TMEM132E: variants seen among roughly 807,000 people sequenced by gnomAD.
TMEM132E encodes transmembrane protein 132E.
TMEM132E carries 49 observed loss-of-function variants against 78.5 expected under a neutral mutation model. The observed-to-expected ratio is 0.62, with a 90% CI of 0.50 to 0.79. TMEM132E has a LOEUF of 0.79. Ranked by LOEUF, TMEM132E falls within the 30% of genes least tolerant of loss-of-function variation. The pLI, the probability that TMEM132E is intolerant of heterozygous loss-of-function variation, is 0.00. For synonymous variants in TMEM132E, 715 were observed against 670.6 expected, an observed-to-expected ratio of 1.07 and a Z score of -1.02; for missense variants, 1,403 against 1,470.9, an observed-to-expected ratio of 0.95 and a Z score of 0.75.
At position 34,580,978 on chromosome 17, in the gene TMEM132E, C is replaced by A. The variant is rs1468636847; in HGVS notation, c.-99C>A. On this transcript the variant is annotated 5_prime_UTR_variant, in exon 1 of 9. Transcript: ENST00000631683. ...CGGAGCTGCATCTGAGACAGCCGGG[C>A]GCCACGGCAGCCCTGAGTTGGATGT... The A allele has an allele frequency of 4.2e-6, 4 of 947,310 alleles. No individual in the cohort carries two copies. The highest frequency in any genetic ancestry group is 6.0e-6 in the Non-Finnish European group (4 of 661,984). The allele number at this position is 947,310 out of a possible 1,614,324, so 58.7% of individuals were successfully genotyped here. A position where few individuals can be genotyped will look rare whatever the true frequency, so the allele number is the denominator to read the frequency against.
At chr17:34,619,479 CTCAT>C (rs112467337) in intron 1 of TMEM132E, among the ~76,000 whole-genome samples, 4 of 149,836 alleles carry the variant, frequency 2.7e-5, no homozygotes, top group Admixed American at 6.7e-5. Context: ...CATGCCCCCT[CTCAT>C]TCATTCATTC....
chr17:34,628,290 C>T (rs777573194), intron 2 of TMEM132E, among the ~76,000 whole-genome samples: 4 of 152,152 alleles, frequency 2.6e-5, no homozygotes, highest in Non-Finnish European at 4.4e-5. Flanking sequence ...AGTGAGTCCC[C>T]TGTCACTAAG....
At chr17:34,597,456 CTATT>C (rs1906098931) in intron 1 of TMEM132E, among the ~76,000 whole-genome samples, 2 of 152,224 alleles carry the variant, frequency 1.3e-5, no homozygotes, top group Non-Finnish European at 2.9e-5. Flanking sequence ...ATTCAGTCAA[CTATT>C]CATTCATTCA....
At chr17:34,635,281 C>G (rs907854426) in intron 7 of TMEM132E, among the ~76,000 whole-genome samples, 194 bp downstream of exon 7, 31 of 152,280 alleles carry the variant, frequency 2.0e-4, no homozygotes, top group African/African-American at 7.5e-4. Flanking sequence ...GTTGTATCAA[C>G]CTTTATCAAT....
chr17:34,581,099 G>A lies in TMEM132E; in HGVS notation c.23G>A (p.Arg8His). ...GCCATGGCCCCGGGGATGTCGGGCC[G>A]CGGCGGCGCCGCCCTGCTCTGCCTC... MAPGMSG[R>H]GGAALLCLSA... Residue 8 changes from arginine (R) to histidine (H), a missense_variant, in exon 1 of 9, where the codon CGC becomes CAC. Physicochemically the swap from Arg to His is conservative, Grantham distance 29 (BLOSUM62 0). Around this residue, in one of 3 missense-constraint regions of TMEM132E, gnomAD observed 511 missense variants for 499.0 expected, o/e 1.02. Transcript: ENST00000631683. 6.5e-7 allele frequency: 1 copy of A among 1,543,990 alleles called. No homozygotes were observed. The highest frequency in any genetic ancestry group is 8.7e-7 in the Non-Finnish European group (1 of 1,151,624).
At chr17:34,592,439 A>G (rs1335819992) in intron 1 of TMEM132E, among the ~76,000 whole-genome samples, 1 of 152,214 alleles carries the variant, frequency 6.6e-6, no homozygotes, top group Non-Finnish European at 1.5e-5. Flanking sequence ...TGCCATTGCC[A>G]GATAGCAGGT....
intron 1 of TMEM132E, among the ~76,000 whole-genome samples, chr17:34,618,025 T>G (rs1773971319): frequency 6.6e-6 from 1 of 152,256 alleles, no homozygotes; most frequent in South Asian, 2.1e-4. Flanking sequence ...ATAGCCAGTT[T>G]AATGCCCTGC....
rs1051522075 is a variant in TMEM132E, at chr17:34,638,805, A to T, written c.*573A>T. The T allele has an allele frequency of 3.3e-5, 5 of 152,128 alleles. No individual in the cohort carries two copies. The highest frequency in any genetic ancestry group is 9.8e-5 in the African/African-American group (4 of 40,910). The allele number at this position is 152,128 out of a possible 1,614,324, so 9.4% of individuals were successfully genotyped here. Reference sequence around the variant, plus strand: ...GGGGACAGTTGTAGCATCTGCTGGCATTCGGGTGCCTCCCAGGACCTGGGA... The same window carrying T: ...GGGGACAGTTGTAGCATCTGCTGGCTTTCGGGTGCCTCCCAGGACCTGGGA... On this transcript the variant is annotated 3_prime_UTR_variant, in exon 9 of 9. Coordinates refer to ENST00000631683, the MANE Select transcript of TMEM132E (RefSeq NM_001304438.2).
In TMEM132E at chr17:34,632,896, C is replaced by A; in HGVS notation, c.1675C>A (p.Leu559Ile). ...SQVKGWRVPI[L>I]PDRRSVRESE... ...AGTGAAGGGCTGGAGGGTACCTATC[C>A]TCCCCGACCGGAGGTACAGCCCCTC... is the stretch of plus-strand genomic sequence containing the variant. The change falls in exon 6 of 9, where the codon CTC becomes ATC. Residue 559 changes from leucine to isoleucine, a missense_variant. Physicochemically the swap from Leu to Ile is conservative, Grantham distance 5 (BLOSUM62 2). Around this residue, in one of 3 missense-constraint regions of TMEM132E, gnomAD observed 888 missense variants for 952.8 expected, o/e 0.93. Transcript: ENST00000631683. 1 of 1,614,182 alleles carries A rather than the reference C, an allele frequency of 6.2e-7. No individual in the cohort carries two copies. The highest frequency in any genetic ancestry group is 8.5e-7 in the Non-Finnish European group (1 of 1,180,040).
Position 34,638,267 on chromosome 17 carries a change from C to CCCA in TMEM132E, c.*35_*36insCCA. 4.4e-6 allele frequency: 6 copies of CCCA among 1,372,986 alleles called. No homozygotes were observed. The South Asian group carries it at 8.9e-5, about 20-fold the overall frequency. 85.1% of individuals were successfully genotyped at this position (1,372,986 alleles called of 1,614,324 possible). A position where few individuals can be genotyped will look rare whatever the true frequency, so the allele number is the denominator to read the frequency against. On this transcript the variant is annotated 3_prime_UTR_variant, in exon 9 of 9. Transcript: ENST00000631683. ...CCGGAGTAGCAGGGACCCCCCCCCCCAACGGGGTCAGCTCGGGGTAGGACA... is the reference window on the plus strand; with the variant it reads ...CCGGAGTAGCAGGGACCCCCCCCCCCCCAAACGGGGTCAGCTCGGGGTAGGACA...
At chr17:34,613,193 A>C (rs892312789) in intron 1 of TMEM132E, among the ~76,000 whole-genome samples, 2 of 115,832 alleles carry the variant, frequency 1.7e-5, no homozygotes, top group Admixed American at 2.1e-4. Context: ...ACACACACAC[A>C]CACCCACACA....
intron 1 of TMEM132E, among the ~76,000 whole-genome samples, chr17:34,622,729 G>A (rs1906999785): frequency 6.6e-6 from 1 of 152,188 alleles, no homozygotes. Context: ...TATATTGAGG[G>A]CCTGCCTGCT....
intron 1 of TMEM132E, among the ~76,000 whole-genome samples, chr17:34,621,635 G>A (rs1029272273): frequency 1.3e-5 from 2 of 152,174 alleles, no homozygotes; most frequent in Non-Finnish European, 2.9e-5. Flanking sequence ...CCAAATGACT[G>A]AAGACCAAGT....
At chr17:34,630,373 G>A (rs568626559) in intron 5 of TMEM132E, among the ~76,000 whole-genome samples, 1 of 152,190 alleles carries the variant, frequency 6.6e-6, no homozygotes, top group South Asian at 2.1e-4. Context: ...ATTCTGAAAG[G>A]GTTGATTCTC....
chr17:34,585,397 A>G (rs574124761), intron 1 of TMEM132E, among the ~76,000 whole-genome samples: 9 of 152,020 alleles, frequency 5.9e-5, no homozygotes, highest in African/African-American at 2.2e-4. Context: ...AGAGGCACCA[A>G]CTCCCACCAC....
In TMEM132E at chr17:34,630,054, C is replaced by T. The variant is rs1048973713; in HGVS notation, c.1385C>T (p.Ala462Val). The T allele has an allele frequency of 6.2e-7, 1 of 1,613,294 alleles. No homozygotes were observed. Among genetic ancestry groups the T allele is most frequent in the African/African-American group, 1.3e-5 (1 of 75,000 alleles). The change falls in exon 5 of 9, where the codon GCC becomes GTC. Residue 462 changes from alanine to valine, a missense_variant. Coordinates refer to ENST00000631683, the MANE Select transcript of TMEM132E (RefSeq NM_001304438.2). The part of the protein sequence containing the change: ...NTAILTGRTV[A>V]IPVKVIAIEV... ...GCCATTCTGACTGGCCGGACAGTGG[C>T]CATCCCTGTCAAGGTCATTGCCATC...
chr17:34,600,644 C>G (rs1360346422), intron 1 of TMEM132E, among the ~76,000 whole-genome samples: 3 of 152,066 alleles, frequency 2.0e-5, no homozygotes, highest in African/African-American at 7.2e-5. Flanking sequence ...AGGAGAGAAG[C>G]AGCCAGGAGA....
At position 34,584,942 on chromosome 17, in the gene TMEM132E, G is replaced by A. The variant is rs115116869; in HGVS notation, c.67+3799G>A. Among the ~76,000 whole-genome samples the A allele has an allele frequency of 9.2e-3, 1,398 of 152,232 alleles. 22 individuals are homozygous for A. Among genetic ancestry groups the A allele is most frequent in the African/African-American group, 0.032 (1,322 of 41,542 alleles). On this transcript the variant is annotated intron_variant, in intron 1 of 8. Transcript: ENST00000631683. ...CCCAGCAACCTTGAGTTTCTCCTGC[G>A]GGTTGTGTCCACACCCCTACCCCAT...
chr17:34,581,169 G>T, intron 1 of TMEM132E, 26 bp downstream of exon 1: 1 of 1,496,786 alleles, frequency 6.7e-7, no homozygotes, highest in East Asian at 2.8e-5. Flanking sequence ...CGGACTGGGG[G>T]TGAGGATGCG....
Sources: allele counts gnomAD v4.1 joint callset (sites outside exome capture counted in the v4.1 genomes callset), GRCh38; gene constraint gnomAD v4.1.1; regional missense constraint gnomAD v4.1.1; transcripts MANE v1.5; gene names NCBI Gene and HGNC (gene_info 2026-07-23, HGNC 2026-07-21).